PARD3: variants seen among roughly 807,000 people sequenced by gnomAD.
PARD3 encodes the protein par-3 family cell polarity regulator, also known as partitioning defective 3 homolog.
A neutral mutation model predicts 155.4 loss-of-function variants in PARD3; 75 were observed. The ratio of observed to expected loss-of-function variants is 0.48; its 90% CI spans 0.40 to 0.58. The LOEUF (loss-of-function observed/expected upper bound fraction) is 0.58, where lower values mean the gene tolerates loss of function less well. Among genes scored for constraint, PARD3 ranks in the 20% least tolerant of loss-of-function variants. The pLI, the probability that PARD3 is intolerant of heterozygous loss-of-function variation, is 0.00. For synonymous variants in PARD3, 576 were observed against 610.5 expected (o/e 0.94, Z 0.83); for missense variants, 1,642 against 1,721.7 (o/e 0.95, Z 0.82).
intron 1 of PARD3, among the ~76,000 whole-genome samples, chr10:34,784,994 G>C (rs191668747): frequency 6.6e-6 from 1 of 152,276 alleles, no homozygotes; most frequent in Admixed American, 6.5e-5. Context: ...GCCTTAGACT[G>C]CTGGAAATGG....
At position 34,728,440 on chromosome 10, in the gene PARD3, C is replaced by T. The variant is rs974685011; in HGVS notation, c.121-32021G>A. 2.1e-4 allele frequency among the ~76,000 whole-genome samples: 32 copies of T among 152,084 alleles called. 1 individual carries two copies. The highest frequency in any genetic ancestry group is 1.8e-3 in the Admixed American group (27 of 15,270). ...GAATACTTTCACAGAACTGCAATGA[C>T]GCAGGGGCACTTCAGGAAAAAAAAC... On this transcript the variant is annotated intron_variant, in intron 1 of 24. Transcript: ENST00000374788.
intron 22 of PARD3, among the ~76,000 whole-genome samples, chr10:34,252,307 C>T (rs1397256839): frequency 6.6e-6 from 1 of 152,120 alleles, no homozygotes; most frequent in Non-Finnish European, 1.5e-5. Flanking sequence ...CATGCAGAAG[C>T]ACCTCTGACT....
chr10:34,457,418 T>C (rs547263692), intron 4 of PARD3, among the ~76,000 whole-genome samples: 1 of 152,154 alleles, frequency 6.6e-6, no homozygotes, highest in African/African-American at 2.4e-5. Flanking sequence ...ATGAAAAATT[T>C]TGGATACAGC....
intron 3 of PARD3, among the ~76,000 whole-genome samples, chr10:34,483,313 C>G (rs944683746): frequency 6.6e-6 from 1 of 151,992 alleles, no homozygotes; most frequent in Non-Finnish European, 1.5e-5. Context: ...GAGACCTCGT[C>G]TCTACAAAAA....
rs1224121781 is a variant in PARD3, at chr10:34,642,491, C to A, written c.222+53827G>T. 5.9e-5 allele frequency among the ~76,000 whole-genome samples: 9 copies of A among 152,084 alleles called. No individual in the cohort carries two copies. The East Asian group carries it at 1.7e-3, about 29-fold the overall frequency. ...CTTCCTGAGACCCTGAGTCACTCCA[C>A]CTGGCGGAGAACTTCCAGGTCCATT... On this transcript the variant is annotated intron_variant, in intron 2 of 24. Coordinates refer to ENST00000374788, the MANE Select transcript of PARD3 (RefSeq NM_001184785.2).
Position 34,596,629 on chromosome 10 carries a change from CG to C in PARD3, c.223-79471del, listed in dbSNP as rs202155595. Among the ~76,000 whole-genome samples, 149 of 152,244 alleles carry C rather than the reference CG, an allele frequency of 9.8e-4. 6 individuals are homozygous for C. In the East Asian group the frequency reaches 0.028, roughly 28 times the overall value. ...TCCACGAGTTCCCTTCCCCAACACA[CG>C]GGGATGACAATTTGGATTTCAACTC... On this transcript the variant is annotated intron_variant, in intron 2 of 24. Transcript: ENST00000374788.
chr10:34,342,844 A>C (rs928237869), intron 15 of PARD3, among the ~76,000 whole-genome samples: 1 of 152,208 alleles, frequency 6.6e-6, no homozygotes, highest in African/African-American at 2.4e-5. Context: ...TTGTAGTAAT[A>C]CTGTAAGTTC....
At chr10:34,634,150 G>A (rs980591279) in intron 2 of PARD3, among the ~76,000 whole-genome samples, 2 of 152,142 alleles carry the variant, frequency 1.3e-5, no homozygotes, top group African/African-American at 4.8e-5. Context: ...CACTATTTGG[G>A]GAGAACCCTG....
intron 2 of PARD3, among the ~76,000 whole-genome samples, chr10:34,653,771 G>A (rs1425861226): frequency 7.1e-6 from 1 of 141,714 alleles, no homozygotes; most frequent in Non-Finnish European, 1.5e-5. Flanking sequence ...TCTAGCCTGG[G>A]CAACATAGCA....
chr10:34,533,839 A>G (rs1425087914), intron 2 of PARD3, among the ~76,000 whole-genome samples: 1 of 151,680 alleles, frequency 6.6e-6, no homozygotes, highest in Non-Finnish European at 1.5e-5. Context: ...CTATTGACCC[A>G]AAAGTACACT....
At chr10:34,386,057 T>C (rs2132035470) in intron 7 of PARD3, among the ~76,000 whole-genome samples, 1 of 152,354 alleles carries the variant, frequency 6.6e-6, no homozygotes, top group South Asian at 2.1e-4. Flanking sequence ...ATTTCACTTG[T>C]AATTTTGCAG....
chr10:34,170,961 G>C (rs1949759001), intron 22 of PARD3, among the ~76,000 whole-genome samples: 1 of 152,182 alleles, frequency 6.6e-6, no homozygotes, highest in South Asian at 2.1e-4. Flanking sequence ...TGGCTACTCA[G>C]AGCTGTAATC....
intron 2 of PARD3, among the ~76,000 whole-genome samples, chr10:34,555,780 A>G (rs2084932773): frequency 6.6e-6 from 1 of 152,052 alleles, no homozygotes; most frequent in Non-Finnish European, 1.5e-5. Context: ...CCTAACCCCC[A>G]TCCAAAGGAG....
chr10:34,180,805 G>C (rs948307770), intron 22 of PARD3, among the ~76,000 whole-genome samples: 12 of 152,154 alleles, frequency 7.9e-5, no homozygotes, highest in South Asian at 4.2e-4. Context: ...CTAAGTGCTG[G>C]CCTGCTTGAG....
chr10:34,208,226 A>ACT (rs559791964), intron 22 of PARD3, among the ~76,000 whole-genome samples: 91 of 152,346 alleles, frequency 6.0e-4, no homozygotes, highest in African/African-American at 2.1e-3. Flanking sequence ...GTCATGAACT[A>ACT]CTCTGCAAAG....
intron 1 of PARD3, among the ~76,000 whole-genome samples, chr10:34,785,888 C>T (rs1240728443): frequency 2.0e-5 from 3 of 152,096 alleles, no homozygotes; most frequent in African/African-American, 7.2e-5. Context: ...TTATACAGAA[C>T]CCTAGTTCAA....
intron 22 of PARD3, among the ~76,000 whole-genome samples, chr10:34,160,139 C>G (rs1414096825): frequency 2.0e-5 from 3 of 152,134 alleles, no homozygotes; most frequent in Non-Finnish European, 2.9e-5. Flanking sequence ...ATTAACTCAA[C>G]AGAATAATCA....
intron 22 of PARD3, among the ~76,000 whole-genome samples, chr10:34,215,962 G>A (rs1198843305): frequency 6.6e-6 from 1 of 152,150 alleles, no homozygotes; most frequent in African/African-American, 2.4e-5. Context: ...TAAATATGTA[G>A]TTGTTAGTAT....
At chr10:34,749,276 T>C (rs910796760) in intron 1 of PARD3, among the ~76,000 whole-genome samples, 2 of 152,176 alleles carry the variant, frequency 1.3e-5, no homozygotes, top group African/African-American at 2.4e-5. Flanking sequence ...TTATTTCCCA[T>C]TATTCTGGAA....
Sources: gnomAD v4.1 joint callset for allele counts (sites outside exome capture counted in the v4.1 genomes callset) on GRCh38, gnomAD v4.1.1 for gene constraint, MANE v1.5 for transcripts, NCBI Gene and HGNC (gene_info 2026-07-23, HGNC 2026-07-21) for gene names.